The following COL18A1 variants were observed in gnomAD, a reference collection of about 807,000 sequenced individuals.
The protein encoded by COL18A1 is collagen alpha-1(XVIII) chain.
In COL18A1, 133 loss-of-function variants were observed where a neutral mutation model predicts 168.0. The observed-to-expected ratio is 0.79, with a 90% CI of 0.69 to 0.91. The LOEUF is 0.91. COL18A1 is among the 40% of genes least tolerant of loss of function. COL18A1 has a pLI of 0.00. For missense variants in COL18A1, 2,126 were observed against 1,925.4 expected, an observed-to-expected ratio of 1.10 and a Z score of -1.95; for synonymous variants, 949 against 809.0, an observed-to-expected ratio of 1.17 and a Z score of -2.94.
At chr21:45,465,490 G>A (rs545614068) in intron 2 of COL18A1, among the ~76,000 whole-genome samples, 3 of 152,336 alleles carry the variant, frequency 2.0e-5, no homozygotes, top group Non-Finnish European at 2.9e-5. Context: ...AAGTGCTATG[G>A]TGTGATGGAG....
At chr21:45,475,353 C>A in intron 4 of COL18A1, 123 bp from the exon 5 acceptor site, 4 of 886,108 alleles carry the variant, frequency 4.5e-6, no homozygotes, top group Non-Finnish European at 7.3e-6. Flanking sequence ...CCAGAGAGGG[C>A]TGGACGAGGC....
At chr21:45,469,711 C>A (rs1174856981) in intron 3 of COL18A1, among the ~76,000 whole-genome samples, 1 of 152,230 alleles carries the variant, frequency 6.6e-6, no homozygotes, top group East Asian at 1.9e-4. Flanking sequence ...TCAAGCTGGC[C>A]TGCAGCTGGA....
intron 2 of COL18A1, among the ~76,000 whole-genome samples, chr21:45,439,624 G>A (rs1470026076): frequency 6.6e-6 from 1 of 152,240 alleles, no homozygotes; most frequent in Non-Finnish European, 1.5e-5. Flanking sequence ...CAGACGTCCT[G>A]GGCCAAGTCC....
At chr21:45,478,807 G>A (rs1305797522) in intron 9 of COL18A1, among the ~76,000 whole-genome samples, 1 of 152,196 alleles carries the variant, frequency 6.6e-6, no homozygotes, top group Non-Finnish European at 1.5e-5. Context: ...GATCGACTGC[G>A]AATAAAGACC....
intron 36 of COL18A1, 42 bp from the exon 37 acceptor site, chr21:45,505,796 C>T (rs755233390): frequency 2.0e-6 from 3 of 1,471,484 alleles, no homozygotes; most frequent in Non-Finnish European, 9.3e-7. Flanking sequence ...TGCCCCCCGC[C>T]CTCCCCGCCA....
At chr21:45,505,065 C>T (rs1403862772) in intron 34 of COL18A1, 69 bp from the exon 35 acceptor site, 7 of 1,568,226 alleles carry the variant, frequency 4.5e-6, no homozygotes, top group Admixed American at 3.6e-5. Flanking sequence ...AGCTGCAGCC[C>T]CACAAGCTTG....
intron 7 of COL18A1, 95 bp downstream of exon 7, chr21:45,477,582 G>A: frequency 7.5e-7 from 1 of 1,334,762 alleles, no homozygotes; most frequent in Non-Finnish European, 1.0e-6. Context: ...AAGCCCCTCT[G>A]TGCCCGTGCC....
intron 29 of COL18A1, chr21:45,495,760 CCATA>C (rs1247568790): frequency 2.6e-6 from 1 of 378,646 alleles, no homozygotes; most frequent in African/African-American, 2.1e-5. Context: ...GTACACATGC[CCATA>C]CACTCCACAT....
At chr21:45,460,728 A>G (rs916082945) in intron 2 of COL18A1, among the ~76,000 whole-genome samples, 9 of 152,240 alleles carry the variant, frequency 5.9e-5, no homozygotes, top group African/African-American at 2.2e-4. Flanking sequence ...ACTCTGGGAA[A>G]TAACTCATGC....
intron 37 of COL18A1, 192 bp from the exon 38 acceptor site, chr21:45,507,369 G>A: frequency 1.5e-6 from 1 of 672,200 alleles, no homozygotes; most frequent in Non-Finnish European, 2.7e-6. Context: ...GCTGTGGACT[G>A]GGAGGGCCGG....
intron 2 of COL18A1, among the ~76,000 whole-genome samples, chr21:45,465,797 C>T (rs538726478): frequency 3.9e-5 from 6 of 152,308 alleles, no homozygotes; most frequent in African/African-American, 1.2e-4. Flanking sequence ...GCACCTGATG[C>T]TGAGCACAGG....
In COL18A1 at chr21:45,512,343, A is replaced by G. The variant is rs201489582; in HGVS notation, c.3965A>G (p.His1322Arg). The change falls in exon 42 of 42, where the codon CAT (histidine) becomes CGT (arginine). Residue 1322 changes from histidine to arginine, a missense_variant. Physicochemically the swap from His to Arg is conservative, Grantham distance 29 (BLOSUM62 0). Coordinates refer to ENST00000651438, the MANE Select transcript of COL18A1 (RefSeq NM_001379500.1). ...CTGGGGCAGAGTGCCGCGAGCTGCCATCACGCCTACATCGTGCTCTGCATT... is the reference window on the plus strand; with the variant it reads ...CTGGGGCAGAGTGCCGCGAGCTGCCGTCACGCCTACATCGTGCTCTGCATT... ...RLLGQSAASC[H>R]HAYIVLCIEN... 1.3e-4 allele frequency: 217 copies of G among 1,612,768 alleles called. 1 individual carries two copies. The African/African-American group carries it at 2.5e-3, about 18-fold the overall frequency.
intron 17 of COL18A1, among the ~76,000 whole-genome samples, chr21:45,487,820 A>G (rs2036169288): frequency 6.6e-6 from 1 of 152,210 alleles, no homozygotes; most frequent in African/African-American, 2.4e-5. Context: ...AAGTCATCAC[A>G]TTCTTTTTGT....
chr21:45,455,374 G>A, intron 2 of COL18A1: 2 of 1,028,432 alleles, frequency 1.9e-6, no homozygotes. Flanking sequence ...TCCAAGGCTG[G>A]TGCCTTCTTT....
chr21:45,444,515 C>T (rs941661163), intron 2 of COL18A1, among the ~76,000 whole-genome samples: 2 of 152,102 alleles, frequency 1.3e-5, no homozygotes, highest in Admixed American at 6.5e-5. Flanking sequence ...GTGAGGTGCA[C>T]GCTCACTCGT....
At chr21:45,468,904 G>A (rs1223935759) in intron 3 of COL18A1, 118 bp downstream of exon 3, 11 of 1,137,636 alleles carry the variant, frequency 9.7e-6, no homozygotes, top group Non-Finnish European at 1.2e-5. Context: ...CACCCCAGCT[G>A]TGGTCAGCCC....
chr21:45,490,819 C>T lies in COL18A1; in HGVS notation c.2032-17C>T, dbSNP rs1269000064. The T allele has an allele frequency of 3.9e-6, 6 of 1,549,914 alleles. No homozygotes were observed. Among genetic ancestry groups the T allele is most frequent in the Non-Finnish European group, 5.2e-6 (6 of 1,146,672 alleles). On this transcript the variant is annotated splice_polypyrimidine_tract_variant and intron_variant, in intron 20 of 41. Transcript: ENST00000651438. ...TGTTTCTGTTGGTGATGAACCATTT[C>T]CTTCCTGTCTCTCCAGGGGCCAAAG...
chr21:45,504,064 C>T lies in COL18A1; in HGVS notation c.2727+10C>T. Reference sequence around the variant, plus strand: ...GGAGGCTGAAATGAAGGTGGGTGACCTCCCTGTGGGGTTGGGGGCCCCCAA... The same window carrying T: ...GGAGGCTGAAATGAAGGTGGGTGACTTCCCTGTGGGGTTGGGGGCCCCCAA... On this transcript the variant is annotated intron_variant, in intron 33 of 41. Transcript: ENST00000651438. 1 of 1,613,530 alleles carries T rather than the reference C, an allele frequency of 6.2e-7. No individual in the cohort carries two copies. The highest frequency in any genetic ancestry group is 1.7e-4 in the Middle Eastern group (1 of 6,016).
At chr21:45,490,578 C>CCGTGTGCCCT (rs1568921895) in intron 20 of COL18A1, among the ~76,000 whole-genome samples, 10 of 134,332 alleles carry the variant, frequency 7.4e-5, no homozygotes, top group African/African-American at 1.1e-4. Context: ...CCTCTCAGGT[C>CCGTGTGCCCT]CCTGGGCCTC....
Sources: allele counts gnomAD v4.1 joint callset (sites outside exome capture counted in the v4.1 genomes callset), GRCh38; gene constraint gnomAD v4.1.1; transcripts MANE v1.5; gene names NCBI Gene and HGNC (gene_info 2026-07-23, HGNC 2026-07-21).